RSPH9: variants seen among roughly 807,000 people sequenced by gnomAD.
RSPH9 encodes radial spoke head component 9.
RSPH9 carries 27 observed loss-of-function variants against 27.0 expected under a neutral mutation model. That is an observed-to-expected ratio of 1.00 (90% CI 0.74 to 1.38). The LOEUF (loss-of-function observed/expected upper bound fraction) is 1.38. Among genes scored for constraint, RSPH9 ranks in the 40% most tolerant of loss-of-function variants. The probability of loss-of-function intolerance (pLI) is 0.00; values close to 1 mark genes in which losing one functional copy is unlikely to be tolerated. For synonymous variants in RSPH9, 145 were observed against 147.7 expected (o/e 0.98, Z 0.13); for missense variants, 347 against 357.4 (o/e 0.97, Z 0.24).
At chr6:43,655,016 A>C (rs548627410) in intron 2 of RSPH9, among the ~76,000 whole-genome samples, 10 of 152,178 alleles carry the variant, frequency 6.6e-5, no homozygotes, top group African/African-American at 2.2e-4. Flanking sequence ...CTGTCTCAAA[A>C]CAAAAACAAA....
At chr6:43,655,290 A>T (rs1771885104) in intron 2 of RSPH9, among the ~76,000 whole-genome samples, 1 of 152,222 alleles carries the variant, frequency 6.6e-6, no homozygotes, top group Non-Finnish European at 1.5e-5. Flanking sequence ...GAGGGCAACT[A>T]GGGTCTCGGA....
intron 4 of RSPH9, among the ~76,000 whole-genome samples, chr6:43,670,382 G>A (rs1023507260): frequency 3.3e-5 from 5 of 152,146 alleles, no homozygotes; most frequent in African/African-American, 7.2e-5. Flanking sequence ...TGGGAGGATC[G>A]CCTGAGCCCG....
At chr6:43,653,419 C>T (rs1771684168) in intron 2 of RSPH9, among the ~76,000 whole-genome samples, 1 of 145,754 alleles carries the variant, frequency 6.9e-6, no homozygotes, top group Non-Finnish European at 1.5e-5. Flanking sequence ...TGCACTCCAG[C>T]CTGGGTGACA....
At chr6:43,669,948 C>A (rs1300822126) in intron 4 of RSPH9, among the ~76,000 whole-genome samples, 1 of 152,252 alleles carries the variant, frequency 6.6e-6, no homozygotes, top group African/African-American at 2.4e-5. Context: ...AGTCTACCAG[C>A]TGCCAGAAAG....
At chr6:43,662,370 C>CTTTTTT (rs202057084) in intron 4 of RSPH9, among the ~76,000 whole-genome samples, 1 of 143,778 alleles carries the variant, frequency 7.0e-6, no homozygotes, top group Non-Finnish European at 1.5e-5. Flanking sequence ...GTTTCACTTT[C>CTTTTTT]TTTTTTTTTT....
chr6:43,665,059 A>G (rs1773011703), intron 4 of RSPH9, among the ~76,000 whole-genome samples: 1 of 152,212 alleles, frequency 6.6e-6, no homozygotes, highest in African/African-American at 2.4e-5. Context: ...CAGAATCAGA[A>G]GATGAAACTC....
chr6:43,667,035 C>T (rs1305048361), intron 4 of RSPH9, among the ~76,000 whole-genome samples: 6 of 152,208 alleles, frequency 3.9e-5, no homozygotes, highest in African/African-American at 7.2e-5. Flanking sequence ...TGAGCCAGCA[C>T]GCCCGGTCAG....
intron 1 of RSPH9, among the ~76,000 whole-genome samples, chr6:43,646,095 C>G (rs1002223179): frequency 6.6e-6 from 1 of 152,076 alleles, no homozygotes; most frequent in African/African-American, 2.4e-5. Flanking sequence ...GCTGGGATTA[C>G]AGGCACGTGC....
chr6:43,665,062 T>C (rs1773012184), intron 4 of RSPH9, among the ~76,000 whole-genome samples: 1 of 152,204 alleles, frequency 6.6e-6, no homozygotes, highest in Non-Finnish European at 1.5e-5. Context: ...AATCAGAAGA[T>C]GAAACTCTCC....
chr6:43,654,983 A>G (rs2127904634), intron 2 of RSPH9, among the ~76,000 whole-genome samples: 1 of 152,322 alleles, frequency 6.6e-6, no homozygotes, highest in East Asian at 1.9e-4. Flanking sequence ...ACTGCCCTCC[A>G]GCCTGGATGA....
chr6:43,647,376 C>A (rs1209810015), intron 1 of RSPH9, among the ~76,000 whole-genome samples: 1 of 152,050 alleles, frequency 6.6e-6, no homozygotes, highest in Non-Finnish European at 1.5e-5. Flanking sequence ...GGCAAAATGG[C>A]CTGAAAGTGT....
chr6:43,672,085 G>A lies in RSPH9; in HGVS notation c.*1136G>A. 1.3e-6 allele frequency: 1 copy of A among 742,592 alleles called. No individual in the cohort carries two copies. Among genetic ancestry groups the A allele is most frequent in the Non-Finnish European group, 2.1e-6 (1 of 466,630 alleles). The allele number at this position is 742,592 out of a possible 1,614,324, so 46.0% of individuals were successfully genotyped here. On this transcript the variant is annotated 3_prime_UTR_variant, in exon 5 of 5. Transcript: ENST00000372163. The stretch of plus-strand genomic sequence containing the variant: ...GTAACTGCTGAGCGTCCTGTAAACA[G>A]ATGGGCTGGGCTCTTGCTGCCGCAA...
At chr6:43,662,027 A>G (rs919351343) in intron 4 of RSPH9, among the ~76,000 whole-genome samples, 1 of 152,112 alleles carries the variant, frequency 6.6e-6, no homozygotes, top group Non-Finnish European at 1.5e-5. Flanking sequence ...AGTTGGGACT[A>G]CAGGTGTGTG....
intron 4 of RSPH9, among the ~76,000 whole-genome samples, chr6:43,663,209 AGAGTT>A (rs772478478): frequency 6.9e-6 from 1 of 145,538 alleles, no homozygotes; most frequent in African/African-American, 2.8e-5. Flanking sequence ...AGGCTATTGT[AGAGTT>A]ATTTTATTTT....
At chr6:43,659,199 T>G (rs371188339) in intron 4 of RSPH9, among the ~76,000 whole-genome samples, 3 of 151,500 alleles carry the variant, frequency 2.0e-5, no homozygotes, top group African/African-American at 2.4e-5. Context: ...TTCCACCACA[T>G]CCGCAGTTAC....
chr6:43,654,294 G>A (rs537527050), intron 2 of RSPH9, among the ~76,000 whole-genome samples: 4 of 152,194 alleles, frequency 2.6e-5, no homozygotes, highest in Admixed American at 1.3e-4. Flanking sequence ...AATTTCATCT[G>A]TGTAAAAAGG....
chr6:43,654,623 G>A (rs897895377), intron 2 of RSPH9, among the ~76,000 whole-genome samples: 2 of 152,124 alleles, frequency 1.3e-5, no homozygotes, highest in Admixed American at 6.5e-5. Flanking sequence ...AGGAGTTCAA[G>A]ACCAGCCTGG....
At chr6:43,666,364 C>T in intron 4 of RSPH9, 1 of 1,325,892 alleles carries the variant, frequency 7.5e-7, no homozygotes, top group South Asian at 1.3e-5. Context: ...CCAGGACTGG[C>T]TGGAGGGATG....
chr6:43,665,819 C>CT (rs199813811), intron 4 of RSPH9, among the ~76,000 whole-genome samples: 5 of 151,824 alleles, frequency 3.3e-5, no homozygotes, highest in South Asian at 2.1e-4. Flanking sequence ...TTCTTTCTTT[C>CT]TTTCTTTTTT....
Sources: allele counts gnomAD v4.1 joint callset (sites outside exome capture counted in the v4.1 genomes callset), GRCh38; gene constraint gnomAD v4.1.1; transcripts MANE v1.5; gene names NCBI Gene and HGNC (gene_info 2026-07-23, HGNC 2026-07-21).